The following RNF130 variants were observed in gnomAD, a reference collection of about 807,000 sequenced individuals.
RNF130 encodes ring finger protein 130, also known as E3 ubiquitin-protein ligase RNF130.
Under a neutral mutation model 44.6 loss-of-function variants are expected in RNF130, and 21 were observed. The observed-to-expected ratio is 0.47, with a 90% CI of 0.33 to 0.68. The LOEUF (loss-of-function observed/expected upper bound fraction) is 0.68. Among genes scored for constraint, RNF130 ranks in the 30% least tolerant of loss-of-function variants. The pLI, the probability that RNF130 is intolerant of heterozygous loss-of-function variation, is 0.02. For missense variants in RNF130, 479 were observed against 560.6 expected, an observed-to-expected ratio of 0.85 and a Z score of 1.47; for synonymous variants, 214 against 210.4, an observed-to-expected ratio of 1.02 and a Z score of -0.15.
chr5:179,931,685 G>C (rs1415379023), intron 7 of RNF130, among the ~76,000 whole-genome samples: 1 of 151,136 alleles, frequency 6.6e-6, no homozygotes, highest in Admixed American at 6.6e-5. Flanking sequence ...TGAGGCAGGA[G>C]AATTGCTTGA....
exon 8 of RNF130, chr5:179,914,872 A>T (rs1561656227): frequency 6.6e-6 from 1 of 152,062 alleles, no homozygotes; most frequent in South Asian, 2.1e-4. Flanking sequence ...TCTAAAAAAA[A>T]TTTTTAAAAA....
At position 180,040,308 on chromosome 5, in the gene RNF130, A is replaced by G. The variant is rs1167224441; in HGVS notation, c.442+145T>C. ...AAAAGAAGAAATTCAACTATGGGGA[A>G]AAAACATGCATCCCAACAAACAAAT... On this transcript the variant is annotated intron_variant, in intron 2 of 8. Coordinates refer to ENST00000521389, the MANE Select transcript of RNF130 (RefSeq NM_018434.6). The G allele has an allele frequency of 6.9e-6, 5 of 721,610 alleles. No homozygotes were observed. The East Asian group carries it at 1.3e-4, about 19-fold the overall frequency. 44.7% of individuals were successfully genotyped at this position (721,610 alleles called of 1,614,324 possible).
At position 179,940,875 on chromosome 5, in the gene RNF130, T is replaced by G. The variant is rs537114880; in HGVS notation, c.1151-20449A>C. 9.9e-5 allele frequency among the ~76,000 whole-genome samples: 15 copies of G among 152,242 alleles called. No homozygotes were observed. The South Asian group carries it at 3.1e-3, about 32-fold the overall frequency. ...TTTTCATCATCTAAAGACTCATGCC[T>G]TTTTCTGTATTTTTCTTCTCATTTT... On this transcript the variant is annotated intron_variant, in intron 7 of 7. Transcript: ENST00000522208.
intron 7 of RNF130, among the ~76,000 whole-genome samples, chr5:179,936,566 G>A (rs1188940049): frequency 6.6e-6 from 1 of 152,008 alleles, no homozygotes; most frequent in Non-Finnish European, 1.5e-5. Context: ...TAGATGTTTA[G>A]GTTGGCAGAT....
At chr5:179,922,955 T>G (rs1259163633) in intron 7 of RNF130, among the ~76,000 whole-genome samples, 3 of 152,182 alleles carry the variant, frequency 2.0e-5, no homozygotes, top group Non-Finnish European at 4.4e-5. Flanking sequence ...ATACAAGTCT[T>G]GCCAGACATA....
intron 3 of RNF130, among the ~76,000 whole-genome samples, chr5:179,988,142 T>C (rs1348765207): frequency 6.6e-6 from 1 of 152,228 alleles, no homozygotes; most frequent in African/African-American, 2.4e-5. Context: ...TGTTCATGTT[T>C]TCTATTTCTT....
chr5:179,927,401 A>G (rs1375852047), intron 7 of RNF130, among the ~76,000 whole-genome samples: 1 of 152,142 alleles, frequency 6.6e-6, no homozygotes, highest in East Asian at 1.9e-4. Context: ...TATGTGCACA[A>G]ATCATAAGTA....
chr5:179,999,301 G>T (rs975895275), intron 3 of RNF130, among the ~76,000 whole-genome samples: 1 of 151,960 alleles, frequency 6.6e-6, no homozygotes, highest in Non-Finnish European at 1.5e-5. Flanking sequence ...GATTACAAGC[G>T]TGAGCCACCA....
At chr5:179,995,095 G>C (rs750328514) in intron 3 of RNF130, among the ~76,000 whole-genome samples, 2 of 152,144 alleles carry the variant, frequency 1.3e-5, no homozygotes, top group Non-Finnish European at 2.9e-5. Context: ...AAACCCTGTA[G>C]AAATGCCTAG....
chr5:180,046,153 G>A (rs1032327401), intron 1 of RNF130, among the ~76,000 whole-genome samples: 5 of 152,174 alleles, frequency 3.3e-5, no homozygotes, highest in African/African-American at 1.2e-4. Flanking sequence ...AGTGCTGAGG[G>A]ACCCAGCGCA....
chr5:180,000,383 C>T (rs995620071), intron 3 of RNF130, among the ~76,000 whole-genome samples: 11 of 152,274 alleles, frequency 7.2e-5, no homozygotes, highest in African/African-American at 2.6e-4. Context: ...AGGATGTTTT[C>T]AGATTTACTC....
chr5:179,968,195 T>C (rs1303817715), intron 6 of RNF130, among the ~76,000 whole-genome samples: 1 of 151,904 alleles, frequency 6.6e-6, no homozygotes, highest in African/African-American at 2.4e-5. Flanking sequence ...CTCGGGAGGC[T>C]GAGGCAAGAG....
intron 3 of RNF130, among the ~76,000 whole-genome samples, chr5:179,992,594 TG>T: frequency 6.6e-6 from 1 of 152,232 alleles, no homozygotes; most frequent in East Asian, 1.9e-4. Context: ...TGTGTTTTTT[TG>T]GGGGGGTGTC....
chr5:180,006,866 T>C (rs1349026102), intron 3 of RNF130, among the ~76,000 whole-genome samples: 1 of 152,206 alleles, frequency 6.6e-6, no homozygotes, highest in Non-Finnish European at 1.5e-5. Flanking sequence ...ACATTTAAGT[T>C]TACCATCAGT....
At chr5:179,939,834 C>T (rs1275488629) in intron 7 of RNF130, 2 of 372,418 alleles carry the variant, frequency 5.4e-6, no homozygotes, top group Non-Finnish European at 1.0e-5. Context: ...TGGGTCCCTC[C>T]CACCAAAAAT....
chr5:179,974,889 C>T (rs997268425), intron 5 of RNF130, among the ~76,000 whole-genome samples: 2 of 152,202 alleles, frequency 1.3e-5, no homozygotes, highest in African/African-American at 4.8e-5. Context: ...CTCCGGCCTG[C>T]GCACCCGGGT....
chr5:179,925,216 C>T (rs968676161), intron 7 of RNF130, among the ~76,000 whole-genome samples: 1 of 152,202 alleles, frequency 6.6e-6, no homozygotes, highest in Non-Finnish European at 1.5e-5. Context: ...AGGCCTGGGA[C>T]TTTCAGCCTC....
Position 180,035,693 on chromosome 5 carries a change from G to C in RNF130, c.442+4760C>G, listed in dbSNP as rs191753012. Among the ~76,000 whole-genome samples the C allele has an allele frequency of 6.6e-5, 10 of 152,202 alleles. No homozygotes were observed. The East Asian group carries it at 1.5e-3, about 23-fold the overall frequency. Reference sequence around the variant, plus strand: ...TATCTTAGGTCTCTGATATATGTTGGTGTGTCTGACAGTGTCCCACAGGCA... The same window carrying C: ...TATCTTAGGTCTCTGATATATGTTGCTGTGTCTGACAGTGTCCCACAGGCA... On this transcript the variant is annotated intron_variant, in intron 2 of 8. Coordinates refer to ENST00000521389, the MANE Select transcript of RNF130 (RefSeq NM_018434.6).
At chr5:180,045,511 A>C (rs1292743954) in intron 1 of RNF130, among the ~76,000 whole-genome samples, 3 of 152,220 alleles carry the variant, frequency 2.0e-5, no homozygotes, top group Non-Finnish European at 4.4e-5. Flanking sequence ...CAAAGCTCCC[A>C]CAGCGCGGAA....
Sources: allele counts gnomAD v4.1 joint callset (sites outside exome capture counted in the v4.1 genomes callset), GRCh38; gene constraint gnomAD v4.1.1; transcripts MANE v1.5; gene names NCBI Gene and HGNC (gene_info 2026-07-23, HGNC 2026-07-21).